Variants in THSD7B observed in about 807,000 individuals in gnomAD.
THSD7B encodes the protein thrombospondin type 1 domain containing 7B.
In THSD7B, 138 loss-of-function variants were observed where a neutral mutation model predicts 213.6. The observed-to-expected ratio is 0.65, with a 90% CI of 0.56 to 0.74. The LOEUF (loss-of-function observed/expected upper bound fraction) is 0.74. Among genes scored for constraint, THSD7B ranks in the 30% least tolerant of loss-of-function variants. The pLI is 0.00. For missense variants in THSD7B, 1,931 were observed against 1,991.5 expected (o/e 0.97, Z 0.58); for synonymous variants, 742 against 687.0 (o/e 1.08, Z -1.25).
chr2:137,101,408 G>A (rs1232924594), intron 4 of THSD7B, among the ~76,000 whole-genome samples: 1 of 152,206 alleles, frequency 6.6e-6, no homozygotes, highest in Non-Finnish European at 1.5e-5. Flanking sequence ...ATGGTTGTCA[G>A]ATAAATTAAC....
intron 15 of THSD7B, among the ~76,000 whole-genome samples, chr2:137,549,431 C>T (rs1174808148): frequency 3.4e-5 from 5 of 149,242 alleles, no homozygotes; most frequent in Non-Finnish European, 7.4e-5. Flanking sequence ...CCTATCCTTG[C>T]ACTAGACTCT....
intron 17 of THSD7B, among the ~76,000 whole-genome samples, chr2:137,590,259 GA>G (rs1025981341): frequency 9.2e-5 from 14 of 152,172 alleles, no homozygotes; most frequent in African/African-American, 3.4e-4. Flanking sequence ...AGCAATGTGG[GA>G]CACACTTAGG....
At chr2:137,033,080 C>T (rs1686705356) in intron 2 of THSD7B, among the ~76,000 whole-genome samples, 1 of 152,146 alleles carries the variant, frequency 6.6e-6, no homozygotes, top group Non-Finnish European at 1.5e-5. Flanking sequence ...CTAATATGTG[C>T]TGAAATTAAA....
Position 136,961,038 on chromosome 2 carries a change from A to G in THSD7B, c.139+78721A>G, listed in dbSNP as rs1230815168. On this transcript the variant is annotated intron_variant, in intron 2 of 27. Coordinates refer to ENST00000409968, the MANE Select transcript of THSD7B (RefSeq NM_001316349.2). ...CGGGAGATGGAGCTTGCAGTGAGCC[A>G]AGACCGCGCCACTGCACTCCAGCCT... Among the ~76,000 whole-genome samples, 11 of 134,674 alleles carry G rather than the reference A, an allele frequency of 8.2e-5. No individual in the cohort carries two copies. The South Asian group carries it at 1.1e-3, about 14-fold the overall frequency. 88.4% of individuals were successfully genotyped at this position (134,674 alleles called of 152,430 possible).
chr2:137,594,253 G>C (rs1040805298), intron 17 of THSD7B, among the ~76,000 whole-genome samples: 5 of 151,960 alleles, frequency 3.3e-5, no homozygotes, highest in Admixed American at 6.6e-5. Flanking sequence ...CAGGCTGTCT[G>C]TTTGGGGTTG....
chr2:137,235,542 A>C (rs1033360437), intron 9 of THSD7B, among the ~76,000 whole-genome samples: 9 of 152,172 alleles, frequency 5.9e-5, no homozygotes, highest in African/African-American at 1.9e-4. Context: ...TTATATGTTC[A>C]AATCAGCATC....
chr2:137,460,292 A>T (rs1336707121), intron 15 of THSD7B, among the ~76,000 whole-genome samples: 2 of 152,156 alleles, frequency 1.3e-5, no homozygotes, highest in Non-Finnish European at 2.9e-5. Flanking sequence ...TAAGCTTATT[A>T]TGATTATTAA....
chr2:137,300,842 G>C (rs1683581600), intron 12 of THSD7B, among the ~76,000 whole-genome samples: 1 of 152,116 alleles, frequency 6.6e-6, no homozygotes, highest in Admixed American at 6.5e-5. Context: ...AAGATGGAAA[G>C]AACTCGTGTA....
intron 1 of THSD7B, among the ~76,000 whole-genome samples, chr2:136,871,449 T>C (rs813570): frequency 0.6 from 91,563 of 151,686 alleles, 28,118 homozygotes; most frequent in Middle Eastern, 0.73. Context: ...ATAAATAGCC[T>C]GAGAGAAATA....
intron 14 of THSD7B, among the ~76,000 whole-genome samples, chr2:137,439,174 A>G (rs1379455121): frequency 1.3e-5 from 2 of 152,146 alleles, no homozygotes; most frequent in African/African-American, 4.8e-5. Flanking sequence ...CAATGAAAGA[A>G]TAATTTTTTC....
At chr2:137,493,977 C>T (rs1679499224) in intron 15 of THSD7B, among the ~76,000 whole-genome samples, 1 of 152,084 alleles carries the variant, frequency 6.6e-6, no homozygotes, top group Non-Finnish European at 1.5e-5. Flanking sequence ...AAATTTGATG[C>T]ATGACATTTT....
At chr2:136,856,467 C>A (rs1683182132) in intron 1 of THSD7B, among the ~76,000 whole-genome samples, 1 of 151,548 alleles carries the variant, frequency 6.6e-6, no homozygotes. Context: ...GAACTTAGGT[C>A]AATTTACTTA....
chr2:137,272,810 C>T (rs2104807346), intron 11 of THSD7B, 148 bp downstream of exon 11: 3 of 928,716 alleles, frequency 3.2e-6, no homozygotes, highest in Non-Finnish European at 4.7e-6. Flanking sequence ...TTCTTACCCT[C>T]TTATCTGGAA....
intron 2 of THSD7B, among the ~76,000 whole-genome samples, chr2:136,960,916 C>T (rs748277890): frequency 6.6e-6 from 1 of 151,462 alleles, no homozygotes; most frequent in African/African-American, 2.4e-5. Flanking sequence ...GGTGAAACCT[C>T]GTCTCTACTA....
At chr2:137,632,716 A>C (rs1682764161) in intron 20 of THSD7B, among the ~76,000 whole-genome samples, 1 of 152,238 alleles carries the variant, frequency 6.6e-6, no homozygotes, top group Non-Finnish European at 1.5e-5. Context: ...ATGCCATAAA[A>C]GCAATGTCAA....
Position 136,785,730 on chromosome 2 carries a change from C to G in THSD7B, c.-36+20043C>G, listed in dbSNP as rs75028195. ...TTTGGGATTTCCGGGAAAGCCCTTA[C>G]AGCCCCAGTTCAGAAATTCAGTAAA... is the stretch of plus-strand genomic sequence containing the variant. On this transcript the variant is annotated intron_variant, in intron 1 of 27. Transcript: ENST00000409968. Among the ~76,000 whole-genome samples, 300 of 152,356 alleles carry G rather than the reference C, an allele frequency of 2.0e-3. 5 individuals are homozygous for G. The East Asian group carries it at 0.036, about 18-fold the overall frequency.
At chr2:137,205,257 T>A (rs1408431983) in intron 7 of THSD7B, among the ~76,000 whole-genome samples, 1 of 152,078 alleles carries the variant, frequency 6.6e-6, no homozygotes, top group Non-Finnish European at 1.5e-5. Context: ...CATTAGGTAT[T>A]TAAAAGACTG....
intron 20 of THSD7B, 81 bp downstream of exon 20, chr2:137,620,807 T>C: frequency 1.6e-6 from 2 of 1,232,594 alleles, no homozygotes; most frequent in Non-Finnish European, 1.2e-6. Context: ...ATAAATGGCA[T>C]AAGGTATGGG....
intron 15 of THSD7B, among the ~76,000 whole-genome samples, chr2:137,495,264 T>A (rs1434132351): frequency 6.6e-6 from 1 of 152,194 alleles, no homozygotes; most frequent in South Asian, 2.1e-4. Flanking sequence ...TAATATTTCC[T>A]ATAGCCTGAC....
Sources: gnomAD v4.1 joint callset for allele counts (sites outside exome capture counted in the v4.1 genomes callset) on GRCh38, gnomAD v4.1.1 for gene constraint, MANE v1.5 for transcripts, NCBI Gene and HGNC (gene_info 2026-07-23, HGNC 2026-07-21) for gene names.